Variants in NEBL observed in about 807,000 individuals in gnomAD.
The protein encoded by NEBL is LIM and SH3 protein 2.
Under a neutral mutation model 140.2 loss-of-function variants are expected in NEBL, and 122 were observed. The ratio of observed to expected loss-of-function variants is 0.87; its 90% confidence interval spans 0.75 to 1.01. The LOEUF (loss-of-function observed/expected upper bound fraction) is 1.01, where lower values mean the gene tolerates loss of function less well. Among genes scored for constraint, NEBL ranks in the 50% least tolerant of loss-of-function variants. The pLI is 0.00. For synonymous variants in NEBL, 436 were observed against 398.9 expected (o/e 1.09, Z -1.11); for missense variants, 1,365 against 1,231.3 (o/e 1.11, Z -1.62).
chr10:21,107,079 T>G (rs1233678500), intron 2 of NEBL, among the ~76,000 whole-genome samples: 6 of 152,200 alleles, frequency 3.9e-5, no homozygotes, highest in Non-Finnish European at 7.3e-5. Flanking sequence ...AAGGAGATTT[T>G]GGGCTGAGAC....
chr10:20,794,951 A>G (rs1204864720), intron 26 of NEBL, among the ~76,000 whole-genome samples: 1 of 152,206 alleles, frequency 6.6e-6, no homozygotes, highest in Non-Finnish European at 1.5e-5. Flanking sequence ...GCTGAAGGTT[A>G]GCAGATTAAG....
intron 26 of NEBL, among the ~76,000 whole-genome samples, chr10:20,793,744 T>C (rs191597140): frequency 6.6e-6 from 1 of 152,084 alleles, no homozygotes; most frequent in African/African-American, 2.4e-5. Context: ...TTCATAGAGA[T>C]GGGGTTTTTC....
chr10:21,274,811 T>A (rs1301215644), intron 1 of NEBL, among the ~76,000 whole-genome samples: 3 of 151,956 alleles, frequency 2.0e-5, no homozygotes, highest in Non-Finnish European at 1.5e-5. Context: ...TTGCTTTTTT[T>A]AATTTAAATT....
At chr10:20,940,263 A>G (rs1041947380) in intron 4 of NEBL, among the ~76,000 whole-genome samples, 2 of 151,850 alleles carry the variant, frequency 1.3e-5, no homozygotes, top group Non-Finnish European at 2.9e-5. Flanking sequence ...ATCAAACTAG[A>G]ACTCAGGATT....
At chr10:20,961,139 TCTC>T (rs1836032792) in intron 4 of NEBL, among the ~76,000 whole-genome samples, 1 of 152,168 alleles carries the variant, frequency 6.6e-6, no homozygotes, top group African/African-American at 2.4e-5. Context: ...ATTTTGAACT[TCTC>T]CTAGTCTCCA....
chr10:21,125,687 A>C (rs1838789997), intron 2 of NEBL: 2 of 584,846 alleles, frequency 3.4e-6, no homozygotes, highest in Admixed American at 2.7e-5. Context: ...ATAAAAGCAC[A>C]CTCCTTCCTC....
At chr10:21,085,844 C>T (rs964061499) in intron 2 of NEBL, among the ~76,000 whole-genome samples, 5 of 152,104 alleles carry the variant, frequency 3.3e-5, no homozygotes, top group African/African-American at 4.8e-5. Context: ...ATGCACTTCT[C>T]ATTTACATCT....
intron 3 of NEBL, chr10:20,961,843 G>A: frequency 8.1e-7 from 1 of 1,227,142 alleles, no homozygotes; most frequent in East Asian, 2.3e-5. Flanking sequence ...GGATAGGCTG[G>A]GCCAACGAAG....
At chr10:20,914,093 G>A (rs1009120761) in intron 4 of NEBL, among the ~76,000 whole-genome samples, 5 of 152,130 alleles carry the variant, frequency 3.3e-5, no homozygotes, top group African/African-American at 1.2e-4. Flanking sequence ...CAGCTCATCA[G>A]ACCAAAAGCA....
rs186444751 is a variant in NEBL, at chr10:21,268,296, C to T, written n.183-16468G>A. On this transcript the variant is annotated intron_variant and non_coding_transcript_variant, in intron 1 of 8. Coordinates refer to the NEBL transcript ENST00000675702. ...CCAGCCTGCACAATAAAGCAAGACC[C>T]CTGTCTCTTCGAAAAATAATTTTAA... is the stretch of plus-strand genomic sequence containing the variant. Among the ~76,000 whole-genome samples the T allele has an allele frequency of 2.9e-4, 44 of 152,070 alleles. 1 individual carries two copies. In the East Asian group the frequency reaches 6.8e-3, roughly 24 times the overall value.
intron 2 of NEBL, among the ~76,000 whole-genome samples, chr10:21,124,017 C>T (rs1838704373): frequency 6.6e-6 from 1 of 151,754 alleles, no homozygotes; most frequent in African/African-American, 2.4e-5. Flanking sequence ...TTTATGCATA[C>T]AGAAGGTAGA....
chr10:21,124,891 T>C (rs1405826311), intron 2 of NEBL, among the ~76,000 whole-genome samples: 2 of 152,182 alleles, frequency 1.3e-5, no homozygotes, highest in Non-Finnish European at 2.9e-5. Flanking sequence ...GCCCAGAAGT[T>C]TGAGGCTGCA....
At chr10:21,133,890 T>C (rs1490582608) in intron 2 of NEBL, among the ~76,000 whole-genome samples, 3 of 151,214 alleles carry the variant, frequency 2.0e-5, no homozygotes, top group African/African-American at 7.3e-5. Context: ...AGTCAATCTC[T>C]GTTTTGTTTT....
intron 4 of NEBL, among the ~76,000 whole-genome samples, chr10:20,921,571 C>T (rs966092322): frequency 5.3e-5 from 8 of 152,198 alleles, no homozygotes; most frequent in Non-Finnish European, 7.3e-5. Context: ...TCTCCATGGG[C>T]TTCAGCCCAG....
At chr10:21,287,403 G>C (rs550456658) in intron 1 of NEBL, among the ~76,000 whole-genome samples, 1 of 152,262 alleles carries the variant, frequency 6.6e-6, no homozygotes, top group South Asian at 2.1e-4. Flanking sequence ...AGGCAGGGTG[G>C]CATGTTCCTA....
At chr10:21,167,164 C>T (rs1840813379) in intron 2 of NEBL, among the ~76,000 whole-genome samples, 3 of 152,166 alleles carry the variant, frequency 2.0e-5, no homozygotes, top group South Asian at 2.1e-4. Flanking sequence ...TAAATATTCA[C>T]GAGAGGGAAT....
chr10:21,199,317 G>A (rs1841698968), intron 3 of NEBL, among the ~76,000 whole-genome samples: 1 of 152,114 alleles, frequency 6.6e-6, no homozygotes, highest in South Asian at 2.1e-4. Flanking sequence ...ACAAGAGTGA[G>A]CCACTGCATC....
chr10:20,815,584 C>T (rs1357730421), intron 22 of NEBL, 41 bp downstream of exon 22: 8 of 1,431,226 alleles, frequency 5.6e-6, no homozygotes, highest in Non-Finnish European at 7.9e-6. Flanking sequence ...TAATAAAAGA[C>T]ACATCCTTTG....
At chr10:21,240,691 G>A (rs1355777961) in intron 3 of NEBL, among the ~76,000 whole-genome samples, 1 of 152,052 alleles carries the variant, frequency 6.6e-6, no homozygotes, top group Non-Finnish European at 1.5e-5. Flanking sequence ...AAGTTATTCT[G>A]GGATTTGGTT....
Sources: gnomAD v4.1 joint callset for allele counts (sites outside exome capture counted in the v4.1 genomes callset) on GRCh38, gnomAD v4.1.1 for gene constraint, MANE v1.5 for transcripts, NCBI Gene and HGNC (gene_info 2026-07-23, HGNC 2026-07-21) for gene names.